Variants in CSMD1 observed in about 807,000 individuals in gnomAD.
CSMD1 encodes CUB and sushi domain-containing protein 1.
In CSMD1, 213 loss-of-function variants were observed where a neutral mutation model predicts 417.5. That is an observed-to-expected ratio of 0.51 (90% CI 0.46 to 0.57). The LOEUF is 0.57. CSMD1 is among the 20% of genes least tolerant of loss of function. The pLI, the probability that CSMD1 is intolerant of heterozygous loss-of-function variation, is 0.00. For synonymous variants in CSMD1, 2,862 were observed against 1,736.8 expected (o/e 1.65, Z -16.11); for missense variants, 6,923 against 4,529.7 (o/e 1.53, Z -15.17).
At chr8:4,457,185 G>A (rs960059541) in intron 2 of CSMD1, among the ~76,000 whole-genome samples, 2 of 152,044 alleles carry the variant, frequency 1.3e-5, no homozygotes, top group East Asian at 1.9e-4. Context: ...GATGTGAAAT[G>A]TGTCCTGTTA....
chr8:4,188,914 C>A (rs1798850078), intron 3 of CSMD1, among the ~76,000 whole-genome samples: 1 of 151,930 alleles, frequency 6.6e-6, no homozygotes, highest in Non-Finnish European at 1.5e-5. Flanking sequence ...GTTGGCATAG[C>A]TGCTGGGTTT....
chr8:3,043,234 G>C (rs1357687788), intron 50 of CSMD1, among the ~76,000 whole-genome samples: 1 of 148,874 alleles, frequency 6.7e-6, no homozygotes, highest in Non-Finnish European at 1.5e-5. Flanking sequence ...ATATGACCTA[G>C]TACTGTAGGA....
intron 23 of CSMD1, among the ~76,000 whole-genome samples, chr8:3,324,649 C>G (rs571337613): frequency 3.3e-5 from 5 of 151,886 alleles, no homozygotes; most frequent in Admixed American, 2.0e-4. Flanking sequence ...ACACCCCACC[C>G]CAGAGACCCA....
intron 5 of CSMD1, among the ~76,000 whole-genome samples, chr8:3,905,341 A>G (rs1381259021): frequency 6.6e-6 from 1 of 152,200 alleles, no homozygotes; most frequent in African/African-American, 2.4e-5. Context: ...ATCCAACATA[A>G]AAGTTGATCA....
intron 3 of CSMD1, among the ~76,000 whole-genome samples, chr8:4,116,888 T>A (rs1802183789): frequency 6.6e-6 from 1 of 152,042 alleles, no homozygotes; most frequent in East Asian, 1.9e-4. Flanking sequence ...AGAATAAGCT[T>A]TCTGAAATCA....
intron 5 of CSMD1, among the ~76,000 whole-genome samples, chr8:3,882,304 A>G (rs1009669962): frequency 6.6e-6 from 1 of 152,216 alleles, no homozygotes; most frequent in Non-Finnish European, 1.5e-5. Context: ...AAAGTCATTC[A>G]ACTTCATTAG....
intron 25 of CSMD1, among the ~76,000 whole-genome samples, chr8:3,305,150 G>A (rs1584964132): frequency 6.6e-6 from 1 of 152,248 alleles, no homozygotes; most frequent in East Asian, 1.9e-4. Flanking sequence ...CAAAGAAAGT[G>A]CTGGGATGAC....
At chr8:4,335,210 C>G (rs1441266531) in intron 3 of CSMD1, among the ~76,000 whole-genome samples, 1 of 152,008 alleles carries the variant, frequency 6.6e-6, no homozygotes. Flanking sequence ...GGCCTGGGCT[C>G]TCTTTTCTAT....
At chr8:4,700,184 C>T (rs1414927196) in intron 1 of CSMD1, among the ~76,000 whole-genome samples, 1 of 151,818 alleles carries the variant, frequency 6.6e-6, no homozygotes, top group Non-Finnish European at 1.5e-5. Context: ...GTTTATGAAA[C>T]AAAATCTTGA....
At chr8:4,198,855 A>T (rs930071821) in intron 3 of CSMD1, among the ~76,000 whole-genome samples, 1 of 152,176 alleles carries the variant, frequency 6.6e-6, no homozygotes, top group African/African-American at 2.4e-5. Context: ...ACAGCGCAAC[A>T]ATATCACGTA....
chr8:3,855,845 C>T (rs1563148913), intron 5 of CSMD1, among the ~76,000 whole-genome samples: 1 of 152,096 alleles, frequency 6.6e-6, no homozygotes, highest in South Asian at 2.1e-4. Flanking sequence ...ATTTAGAGTT[C>T]AACTGCATTT....
intron 5 of CSMD1, among the ~76,000 whole-genome samples, chr8:3,806,966 A>C (rs866561978): frequency 2.6e-5 from 4 of 152,262 alleles, no homozygotes; most frequent in Middle Eastern, 3.4e-3. Context: ...GCTTAATCTG[A>C]TGATTTATTC....
chr8:4,088,031 G>A (rs1401935624), intron 3 of CSMD1, among the ~76,000 whole-genome samples: 2 of 152,128 alleles, frequency 1.3e-5, no homozygotes, highest in African/African-American at 4.8e-5. Flanking sequence ...TGTGCTAAAT[G>A]ACACTCCCCC....
At chr8:3,719,938 C>T (rs1157641233) in intron 6 of CSMD1, among the ~76,000 whole-genome samples, 8 of 152,114 alleles carry the variant, frequency 5.3e-5, no homozygotes, top group Admixed American at 3.3e-4. Flanking sequence ...GCAGATTCCT[C>T]GTGTGTTTAA....
chr8:4,493,831 C>T (rs1801844764), intron 2 of CSMD1, among the ~76,000 whole-genome samples: 1 of 152,184 alleles, frequency 6.6e-6, no homozygotes, highest in Non-Finnish European at 1.5e-5. Context: ...TCATTCACAG[C>T]AGGACACAGT....
intron 5 of CSMD1, among the ~76,000 whole-genome samples, chr8:3,827,712 T>A (rs1336515860): frequency 3.9e-5 from 6 of 152,240 alleles, no homozygotes; most frequent in Admixed American, 2.0e-4. Flanking sequence ...TTTGTCAGGA[T>A]TTATTCCATC....
chr8:4,407,021 C>T (rs1249664812), intron 3 of CSMD1, among the ~76,000 whole-genome samples: 6 of 152,240 alleles, frequency 3.9e-5, no homozygotes, highest in South Asian at 2.1e-4. Flanking sequence ...AGCTACGGGT[C>T]CCCTGTCTTG....
intron 1 of CSMD1, among the ~76,000 whole-genome samples, chr8:4,723,968 G>T (rs573849353): frequency 2.6e-5 from 4 of 151,832 alleles, no homozygotes; most frequent in Non-Finnish European, 5.9e-5. Flanking sequence ...ATCCAATCTC[G>T]GGCAGAAAGA....
At chr8:3,452,359 T>G (rs541827535) in intron 12 of CSMD1, among the ~76,000 whole-genome samples, 1 of 152,192 alleles carries the variant, frequency 6.6e-6, no homozygotes, top group Non-Finnish European at 1.5e-5. Context: ...CTATGTTGAA[T>G]AGCAGTGGTG....
Sources: gnomAD v4.1 joint callset for allele counts (sites outside exome capture counted in the v4.1 genomes callset) on GRCh38, gnomAD v4.1.1 for gene constraint, MANE v1.5 for transcripts, NCBI Gene and HGNC (gene_info 2026-07-23, HGNC 2026-07-21) for gene names.